Variants in PRMT9 observed in about 807,000 individuals in gnomAD.
PRMT9 encodes protein arginine N-methyltransferase 9.
PRMT9 carries 59 observed loss-of-function variants against 83.2 expected under a neutral mutation model. The ratio of observed to expected loss-of-function variants is 0.71; its 90% CI spans 0.57 to 0.88. The LOEUF is 0.88. Among genes scored for constraint, PRMT9 ranks in the 40% least tolerant of loss-of-function variants. The pLI is 0.00. For missense variants in PRMT9, 947 were observed against 1,021.9 expected (o/e 0.93, Z 1.00); for synonymous variants, 333 against 353.2 (o/e 0.94, Z 0.64).
intron 6 of PRMT9, among the ~76,000 whole-genome samples, chr4:147,668,145 G>A (rs1304885307): frequency 6.6e-6 from 1 of 152,092 alleles, no homozygotes. Flanking sequence ...GTCACTTACT[G>A]ATATGGTTTG....
chr4:147,657,774 A>T lies in PRMT9; in HGVS notation c.1330+18T>A, dbSNP rs1387974551. The stretch of plus-strand genomic sequence containing the variant: ...AGATTAAAGCAAGAGGTTAAAAAAA[A>T]AAATGGACAAGACCTACCTGCAAGG... On this transcript the variant is annotated intron_variant, in intron 8 of 11. Transcript: ENST00000322396. 2 of 1,609,370 alleles carry T rather than the reference A, an allele frequency of 1.2e-6. No homozygotes were observed. The highest frequency in any genetic ancestry group is 2.2e-5 in the East Asian group (1 of 44,804).
intron 10 of PRMT9, among the ~76,000 whole-genome samples, chr4:147,641,366 T>A (rs72947833): frequency 0.027 from 4,075 of 152,292 alleles, 187 homozygotes; most frequent in African/African-American, 0.093. Context: ...ACTCCAATCG[T>A]GATCTTGCCT....
chr4:147,646,393 A>G (rs1384360536), intron 9 of PRMT9, among the ~76,000 whole-genome samples: 1 of 152,208 alleles, frequency 6.6e-6, no homozygotes, highest in African/African-American at 2.4e-5. Flanking sequence ...CTATGAAATT[A>G]GCAAGCTAAA....
intron 2 of PRMT9, among the ~76,000 whole-genome samples, chr4:147,675,228 C>T (rs575642034): frequency 6.6e-6 from 1 of 152,298 alleles, no homozygotes; most frequent in Non-Finnish European, 1.5e-5. Context: ...GATTCACCCA[C>T]CTCGGCCTCC....
chr4:147,641,400 CTTTGA>C (rs1355790346), intron 10 of PRMT9, among the ~76,000 whole-genome samples: 1 of 152,132 alleles, frequency 6.6e-6, no homozygotes, highest in East Asian at 1.9e-4. Context: ...CTTGCTGATC[CTTTGA>C]TTTGTGTGAT....
intron 2 of PRMT9, among the ~76,000 whole-genome samples, chr4:147,677,063 C>T (rs1040603548): frequency 6.9e-6 from 1 of 144,934 alleles, no homozygotes; most frequent in African/African-American, 2.5e-5. Flanking sequence ...AAAAAAAAAA[C>T]TTAATATAAC....
At chr4:147,654,671 A>G in intron 8 of PRMT9, 105 bp from the exon 9 acceptor site, 1 of 740,704 alleles carries the variant, frequency 1.4e-6, no homozygotes, top group Non-Finnish European at 2.3e-6. Flanking sequence ...TTAGATCACT[A>G]TAGAAAGGAT....
At chr4:147,640,586 CA>C (rs1733329391) in intron 10 of PRMT9, among the ~76,000 whole-genome samples, 2 of 152,110 alleles carry the variant, frequency 1.3e-5, no homozygotes, top group East Asian at 3.8e-4. Flanking sequence ...CCCAATTGCT[CA>C]GTGACCACAG....
chr4:147,661,515 G>A (rs1734945389), intron 6 of PRMT9, among the ~76,000 whole-genome samples: 1 of 152,106 alleles, frequency 6.6e-6, no homozygotes, highest in Non-Finnish European at 1.5e-5. Context: ...TGCAGGCCAG[G>A]CGCGGTGGCT....
chr4:147,650,007 G>A (rs1200724799), intron 9 of PRMT9, among the ~76,000 whole-genome samples: 3 of 152,102 alleles, frequency 2.0e-5, no homozygotes, highest in African/African-American at 4.8e-5. Context: ...AACAAACTAG[G>A]AATAGAAGGA....
chr4:147,649,531 C>T (rs1022840416), intron 9 of PRMT9, among the ~76,000 whole-genome samples: 2 of 151,490 alleles, frequency 1.3e-5, no homozygotes, highest in Non-Finnish European at 2.9e-5. Flanking sequence ...GATGGAGTTT[C>T]ACTCTTGTTG....
At chr4:147,683,731 T>C in intron 1 of PRMT9, 68 bp downstream of exon 1, 43 of 1,280,076 alleles carry the variant, frequency 3.4e-5, no homozygotes, top group Non-Finnish European at 3.4e-5. Flanking sequence ...TTTTTTTTTT[T>C]TCTGTTTTTT....
At position 147,663,154 on chromosome 4, in the gene PRMT9, G is replaced by A. The variant is rs542062539; in HGVS notation, c.954-2116C>T. Among the ~76,000 whole-genome samples, 26 of 151,604 alleles carry A rather than the reference G, an allele frequency of 1.7e-4. No homozygotes were observed. The South Asian group carries it at 4.4e-3, about 26-fold the overall frequency. On this transcript the variant is annotated intron_variant, in intron 6 of 11. Transcript: ENST00000322396. ...CTCCCGAGTGGCTGGGACTACAGGC[G>A]CCTGCCACCACGCCTGGCTACTTTT...
intron 7 of PRMT9, 136 bp downstream of exon 7, chr4:147,660,710 C>A: frequency 8.0e-6 from 5 of 622,466 alleles, no homozygotes; most frequent in South Asian, 6.4e-5. Flanking sequence ...TTCTAATTAC[C>A]CTTTAATCAT....
In PRMT9 at chr4:147,657,922, A is replaced by C. The variant is rs759101382; in HGVS notation, c.1200T>G (p.Ile400Met). 6 of 1,604,256 alleles carry C rather than the reference A, an allele frequency of 3.7e-6. No homozygotes were observed. The East Asian group carries it at 1.3e-4, about 36-fold the overall frequency. The change falls in exon 8 of 12, where the codon ATT (isoleucine) becomes ATG (methionine). Residue 400 changes from isoleucine to methionine, a missense_variant. By Grantham distance (10) the Ile-to-Met change is conservative. Transcript: ENST00000322396. The part of the protein sequence containing the change: ...KKPDKIGIPV[I>M]KEGILDAIMV... Reference sequence around the variant, plus strand: ...TAATAGCATCTAGTATGCCTTCTTTAATAACAGGAATACCAATCTTATCAG... The same window carrying C: ...TAATAGCATCTAGTATGCCTTCTTTCATAACAGGAATACCAATCTTATCAG...
At chr4:147,657,394 G>A (rs771961040) in intron 8 of PRMT9, among the ~76,000 whole-genome samples, 4 of 151,922 alleles carry the variant, frequency 2.6e-5, no homozygotes, top group South Asian at 2.1e-4. Flanking sequence ...GCGCAGCAGC[G>A]GGCGCCTGTA....
At chr4:147,660,518 T>C (rs1734880131) in intron 7 of PRMT9, among the ~76,000 whole-genome samples, 1 of 152,096 alleles carries the variant, frequency 6.6e-6, no homozygotes, top group Admixed American at 6.5e-5. Flanking sequence ...TAGTCCCAGC[T>C]ACTTGGGGGA....
At chr4:147,659,361 A>T (rs1272523920) in intron 7 of PRMT9, among the ~76,000 whole-genome samples, 2 of 151,420 alleles carry the variant, frequency 1.3e-5, no homozygotes, top group East Asian at 3.9e-4. Context: ...AGATCGCACC[A>T]CTGCACTCCA....
rs779724038 is a variant in PRMT9, at chr4:147,660,978, C to T, written c.1014G>A (p.Pro338=). 1.5e-5 allele frequency: 24 copies of T among 1,612,792 alleles called. No individual in the cohort carries two copies. The highest frequency in any genetic ancestry group is 2.7e-5 in the African/African-American group (2 of 74,954). Residue 338 remains proline (P), a synonymous_variant, in exon 7 of 12, where the codon CCG becomes CCA. Transcript: ENST00000322396. ...CTTCAGTATCTACAGAAGAATAAGC[C>T]GGACTCTGAAATTTCACATTTGTTG... The part of the protein sequence containing the change: ...HLPTNVKFQS[P]AYSSVDTEET...
Sources: allele counts gnomAD v4.1 joint callset (sites outside exome capture counted in the v4.1 genomes callset), GRCh38; gene constraint gnomAD v4.1.1; transcripts MANE v1.5; gene names NCBI Gene and HGNC (gene_info 2026-07-23, HGNC 2026-07-21).